PARP12: variants seen among roughly 807,000 people sequenced by gnomAD.
PARP12 encodes the protein protein mono-ADP-ribosyltransferase PARP12.
PARP12 carries 59 observed loss-of-function variants against 72.4 expected under a neutral mutation model. The observed-to-expected ratio is 0.81, with a 90% CI of 0.66 to 1.01. The LOEUF (loss-of-function observed/expected upper bound fraction) is 1.01. Ranked by LOEUF, PARP12 falls within the 50% of genes least tolerant of loss-of-function variation. The pLI, the probability that PARP12 is intolerant of heterozygous loss-of-function variation, is 0.00. For missense variants in PARP12, 851 were observed against 914.0 expected, an observed-to-expected ratio of 0.93 and a Z score of 0.89; for synonymous variants, 403 against 371.4, an observed-to-expected ratio of 1.09 and a Z score of -0.98.
intron 3 of PARP12, among the ~76,000 whole-genome samples, chr7:140,055,205 A>AC (rs1340782547): frequency 6.6e-6 from 1 of 152,160 alleles, no homozygotes; most frequent in Non-Finnish European, 1.5e-5. Context: ...GGTTGTGATG[A>AC]CCCCTGAGGG....
At chr7:140,062,037 T>C (rs1355222920) in intron 1 of PARP12, among the ~76,000 whole-genome samples, 1 of 147,928 alleles carries the variant, frequency 6.8e-6, no homozygotes, top group Non-Finnish European at 1.5e-5. Flanking sequence ...CAGGGACCAG[T>C]GCCCCAGGAC....
intron 5 of PARP12, among the ~76,000 whole-genome samples, chr7:140,044,104 A>G (rs1816612160): frequency 6.6e-6 from 1 of 152,238 alleles, no homozygotes; most frequent in Non-Finnish European, 1.5e-5. Flanking sequence ...TGAGTAGCAT[A>G]AATTTTTTTA....
At chr7:140,053,164 T>C (rs1339420078) in intron 4 of PARP12, among the ~76,000 whole-genome samples, 1 of 152,196 alleles carries the variant, frequency 6.6e-6, no homozygotes, top group Non-Finnish European at 1.5e-5. Flanking sequence ...GAAGTTGTAT[T>C]TGTAAAAGCC....
At chr7:140,056,746 G>T in intron 3 of PARP12, 110 bp downstream of exon 3, 1 of 1,175,242 alleles carries the variant, frequency 8.5e-7, no homozygotes. Flanking sequence ...AGCAGCACCA[G>T]ACTTGCCCAA....
chr7:140,055,918 G>A (rs1817158938), intron 3 of PARP12, among the ~76,000 whole-genome samples: 1 of 152,236 alleles, frequency 6.6e-6, no homozygotes, highest in Admixed American at 6.5e-5. Context: ...ATTCTAGGAA[G>A]TGCTCTATTA....
At chr7:140,025,902 A>G (rs753648551) in intron 11 of PARP12, among the ~76,000 whole-genome samples, 26 of 152,338 alleles carry the variant, frequency 1.7e-4, no homozygotes, top group South Asian at 8.3e-4. Context: ...AGGGCTGGGA[A>G]GGTATCCCCT....
At chr7:140,025,841 G>C (rs1267393240) in intron 11 of PARP12, among the ~76,000 whole-genome samples, 1 of 152,202 alleles carries the variant, frequency 6.6e-6, no homozygotes, top group Non-Finnish European at 1.5e-5. Flanking sequence ...GAGGGTTTCT[G>C]GTTTCTATTC....
chr7:140,035,132 A>G (rs1816098772), intron 7 of PARP12, among the ~76,000 whole-genome samples: 1 of 152,238 alleles, frequency 6.6e-6, no homozygotes, highest in African/African-American at 2.4e-5. Context: ...GTCCAGAATT[A>G]GCCTTATTGC....
At chr7:140,055,350 T>G (rs1439187731) in intron 3 of PARP12, among the ~76,000 whole-genome samples, 1 of 152,200 alleles carries the variant, frequency 6.6e-6, no homozygotes, top group Non-Finnish European at 1.5e-5. Flanking sequence ...TGAAGCCCCT[T>G]TAATTAATTT....
chr7:140,057,354 G>C, intron 2 of PARP12: 1 of 602,764 alleles, frequency 1.7e-6, no homozygotes. Flanking sequence ...AAATGGAAAG[G>C]AGACTGCACA....
chr7:140,028,797 C>T, intron 8 of PARP12, 109 bp from the exon 9 acceptor site: 1 of 897,784 alleles, frequency 1.1e-6, no homozygotes, highest in Non-Finnish European at 1.7e-6. Context: ...CTCAGCACAT[C>T]ATATTTCAAG....
At chr7:140,039,682 T>C (rs951556156) in intron 6 of PARP12, among the ~76,000 whole-genome samples, 2 of 152,130 alleles carry the variant, frequency 1.3e-5, no homozygotes, top group African/African-American at 4.8e-5. Context: ...GAAAACTGTT[T>C]TGAAGTGGCA....
intron 5 of PARP12, 112 bp from the exon 6 acceptor site, chr7:140,041,951 A>G (rs533560397): frequency 9.6e-6 from 9 of 934,692 alleles, no homozygotes; most frequent in Admixed American, 7.8e-5. Context: ...TGGCATGCAC[A>G]TTTTAGAAAA....
intron 9 of PARP12, 52 bp downstream of exon 9, chr7:140,028,561 C>T: frequency 1.4e-6 from 2 of 1,452,796 alleles, no homozygotes; most frequent in South Asian, 2.6e-5. Flanking sequence ...TCACACACAC[C>T]CACTTCTACA....
chr7:140,036,725 T>C (rs1172882484), intron 7 of PARP12, among the ~76,000 whole-genome samples: 13 of 151,874 alleles, frequency 8.6e-5, no homozygotes, highest in Admixed American at 8.5e-4. Context: ...GGACTCAGAG[T>C]TTAAAATGTG....
At position 140,043,437 on chromosome 7, in the gene PARP12, G is replaced by GA. The variant is rs1296195714; in HGVS notation, c.987-1599dup. Among the ~76,000 whole-genome samples the GA allele has an allele frequency of 2.0e-5, 3 of 151,898 alleles. No individual in the cohort carries two copies. The East Asian group carries it at 5.8e-4, about 29-fold the overall frequency. Reference sequence around the variant, plus strand: ...TAAAAACTGACTGGGTAAATTTAAGGAAAAAAACAGAACTTTTACTATTCA... The same window carrying GA: ...TAAAAACTGACTGGGTAAATTTAAGGAAAAAAAACAGAACTTTTACTATTCA... On this transcript the variant is annotated intron_variant, in intron 5 of 11. Transcript: ENST00000263549.
intron 1 of PARP12, among the ~76,000 whole-genome samples, chr7:140,061,985 G>A (rs1402890025): frequency 5.1e-4 from 4 of 7,810 alleles, no homozygotes; most frequent in East Asian, 8.6e-3. Context: ...GAAATGCCCG[G>A]GGGGGGGGGG....
chr7:140,056,871 G>A lies in PARP12; in HGVS notation c.745C>T (p.Pro249Ser), dbSNP rs769109946. ...APSRVPPLFVPQGTSERKDSS... is the reference protein window; with the variant it reads ...APSRVPPLFVSQGTSERKDSS... ...CCAGCCTTACCAGAAGTCCCCTGTG[G>A]GACAAAAAGAGGAGGCACTCTGCTG... The change falls in exon 3 of 12, where the codon CCA (proline) becomes TCA (serine). Residue 249 changes from proline (P) to serine (S), a missense_variant. By Grantham distance (74) the Pro-to-Ser change is moderately conservative. Coordinates refer to ENST00000263549, the MANE Select transcript of PARP12 (RefSeq NM_022750.4). 11 of 1,607,802 alleles carry A rather than the reference G, an allele frequency of 6.8e-6. No individual in the cohort carries two copies. The South Asian group carries it at 1.0e-4, about 15-fold the overall frequency.
intron 8 of PARP12, chr7:140,029,206 T>TC (rs1815846932): frequency 6.5e-6 from 1 of 153,300 alleles, no homozygotes; most frequent in Non-Finnish European, 1.5e-5. Flanking sequence ...CACTGTGATC[T>TC]GTATCTATCC....
Sources: gnomAD v4.1 joint callset for allele counts (sites outside exome capture counted in the v4.1 genomes callset) on GRCh38, gnomAD v4.1.1 for gene constraint, MANE v1.5 for transcripts, NCBI Gene and HGNC (gene_info 2026-07-23, HGNC 2026-07-21) for gene names.